The following DNTTIP1 variants were observed in gnomAD, a reference collection of about 807,000 sequenced individuals.
The protein encoded by DNTTIP1 is deoxynucleotidyltransferase terminal-interacting protein 1.
Under a neutral mutation model 52.9 loss-of-function variants are expected in DNTTIP1, and 22 were observed. The ratio of observed to expected loss-of-function variants is 0.42; its 90% CI spans 0.30 to 0.59. The LOEUF is 0.59. Among genes scored for constraint, DNTTIP1 ranks in the 20% least tolerant of loss-of-function variants. The pLI is 0.22. For missense variants in DNTTIP1, 286 were observed against 435.5 expected, an observed-to-expected ratio of 0.66 and a Z score of 3.06; for synonymous variants, 136 against 155.1, an observed-to-expected ratio of 0.88 and a Z score of 0.92.
At chr20:45,810,987 A>G in intron 12 of DNTTIP1, 47 bp downstream of exon 12, 1 of 1,613,772 alleles carries the variant, frequency 6.2e-7, no homozygotes. Flanking sequence ...CTGCCTCCAA[A>G]TAGCCCCTAG....
At chr20:45,798,119 T>C (rs1005362293) in intron 4 of DNTTIP1, among the ~76,000 whole-genome samples, 14 of 152,178 alleles carry the variant, frequency 9.2e-5, no homozygotes, top group Non-Finnish European at 1.9e-4. Flanking sequence ...TAAGAAAATG[T>C]GGCACATATA....
In DNTTIP1 at chr20:45,810,935, T is replaced by A. The variant is rs1188637647; in HGVS notation, c.846T>A (p.Asp282Glu). 3.7e-6 allele frequency: 6 copies of A among 1,614,108 alleles called. No individual in the cohort carries two copies. The highest frequency in any genetic ancestry group is 5.1e-6 in the Non-Finnish European group (6 of 1,180,040). ...TCCGGGACCTTGCGGCCAGTGATGATTACAGGTAAAACCAGTGGGTCTCCT... is the reference window on the plus strand; with the variant it reads ...TCCGGGACCTTGCGGCCAGTGATGAATACAGGTAAAACCAGTGGGTCTCCT... Reference protein sequence around the residue: ...EDIRDLAASDDYRGCLDLKLE... With the variant: ...EDIRDLAASDEYRGCLDLKLE... The change falls in exon 12 of 13, where the codon GAT becomes GAA. Residue 282 changes from aspartate to glutamate, a missense_variant. This residue lies in a region of DNTTIP1 where 78 missense variants were observed against 169.0 expected (regional missense o/e 0.46). Transcript: ENST00000372622.
chr20:45,795,143 G>A (rs1414989496), intron 3 of DNTTIP1, among the ~76,000 whole-genome samples: 3 of 152,098 alleles, frequency 2.0e-5, no homozygotes, highest in Non-Finnish European at 2.9e-5. Context: ...GCACCCCCAC[G>A]ATTATATCCG....
chr20:45,796,292 A>G (rs1981234592), intron 4 of DNTTIP1, among the ~76,000 whole-genome samples: 1 of 152,082 alleles, frequency 6.6e-6, no homozygotes. Context: ...ATGTATATCT[A>G]TGTCAATTCA....
chr20:45,801,892 A>C, intron 6 of DNTTIP1, 107 bp from the exon 7 acceptor site: 1 of 1,129,500 alleles, frequency 8.9e-7, no homozygotes, highest in South Asian at 1.2e-5. Context: ...GTCAAACATC[A>C]TTTGATCTCT....
intron 6 of DNTTIP1, 119 bp from the exon 7 acceptor site, chr20:45,801,880 C>T: frequency 9.7e-7 from 1 of 1,035,592 alleles, no homozygotes; most frequent in Middle Eastern, 2.0e-4. Flanking sequence ...CTCCCTGTCC[C>T]TGTCAAACAT....
At chr20:45,807,060 G>T (rs764655794) in intron 10 of DNTTIP1, among the ~76,000 whole-genome samples, 1 of 151,852 alleles carries the variant, frequency 6.6e-6, no homozygotes, top group Non-Finnish European at 1.5e-5. Context: ...GCTCAAGTCT[G>T]GGAATTGATC....
At position 45,798,991 on chromosome 20, in the gene DNTTIP1, G is replaced by C. The variant is rs575418906; in HGVS notation, c.373-2083G>C. 2.6e-5 allele frequency among the ~76,000 whole-genome samples: 4 copies of C among 152,354 alleles called. No homozygotes were observed. The South Asian group carries it at 8.3e-4, about 32-fold the overall frequency. ...ACAAATGTGTGCATAATTACACATT[G>C]AGACTTGATCACCCTTCACTGGAAA... On this transcript the variant is annotated intron_variant, in intron 4 of 12. Transcript: ENST00000372622.
At chr20:45,795,808 CAAAA>C (rs1162295489) in intron 4 of DNTTIP1, among the ~76,000 whole-genome samples, 1 of 151,878 alleles carries the variant, frequency 6.6e-6, no homozygotes, top group Non-Finnish European at 1.5e-5. Context: ...CAAAAACAAA[CAAAA>C]AAAGAAATGT....
chr20:45,803,004 G>A, intron 7 of DNTTIP1: 1 of 275,200 alleles, frequency 3.6e-6, no homozygotes, highest in Non-Finnish European at 7.1e-6. Flanking sequence ...TACCTTAGAT[G>A]TGTCTCCTAC....
intron 3 of DNTTIP1, among the ~76,000 whole-genome samples, 194 bp downstream of exon 3, chr20:45,794,211 C>T (rs1601024208): frequency 6.6e-6 from 1 of 152,168 alleles, no homozygotes; most frequent in Non-Finnish European, 1.5e-5. Flanking sequence ...TGCAGTGGCA[C>T]AATATCGATT....
At chr20:45,803,492 A>C (rs1981540409) in intron 8 of DNTTIP1, 114 bp downstream of exon 8, 2 of 1,135,646 alleles carry the variant, frequency 1.8e-6, no homozygotes, top group East Asian at 2.6e-5. Context: ...ACACCATTCC[A>C]GAGCCATCTG....
rs1359606355 is a variant in DNTTIP1 at position 45,805,437 on chromosome 20, A to G, written c.723+71A>G. ...ACTGGGAACTCCACTCAGCACAGAG[A>G]AGCTTAGAACAAACACTGATCTTGG... On this transcript the variant is annotated intron_variant, in intron 10 of 12. Transcript: ENST00000372622. 2.6e-6 allele frequency: 4 copies of G among 1,528,174 alleles called. No homozygotes were observed. In the African/African-American group the frequency reaches 4.2e-5, roughly 16 times the overall value. 94.7% of individuals were successfully genotyped at this position (1,528,174 alleles called of 1,614,324 possible).
chr20:45,797,998 A>T lies in DNTTIP1; in HGVS notation c.372+2555A>T, dbSNP rs1232045322. ...CATTACTGGGTATATACCCAAAGGA[A>T]TATAAATCATGCTGCTATAAAGACA... On this transcript the variant is annotated intron_variant, in intron 4 of 12. Coordinates refer to ENST00000372622, the MANE Select transcript of DNTTIP1 (RefSeq NM_052951.3). Among the ~76,000 whole-genome samples, 42 of 152,284 alleles carry T rather than the reference A, an allele frequency of 2.8e-4. No individual in the cohort carries two copies. The South Asian group carries it at 7.9e-3, about 29-fold the overall frequency.
chr20:45,805,479 T>G, intron 10 of DNTTIP1, 113 bp downstream of exon 10: 1 of 1,195,270 alleles, frequency 8.4e-7, no homozygotes, highest in Non-Finnish European at 1.2e-6. Context: ...GACATCTGGG[T>G]TCTAGTTGTG....
At chr20:45,808,241 G>A (rs572930195) in intron 10 of DNTTIP1, among the ~76,000 whole-genome samples, 5 of 152,212 alleles carry the variant, frequency 3.3e-5, no homozygotes, top group Admixed American at 3.3e-4. Flanking sequence ...AGCTATTCAA[G>A]GCTGAAGCAG....
intron 8 of DNTTIP1, 50 bp downstream of exon 8, chr20:45,803,428 A>G (rs747542881): frequency 1.2e-6 from 2 of 1,607,780 alleles, no homozygotes; most frequent in East Asian, 4.5e-5. Flanking sequence ...AGATAGTCCC[A>G]CTATCTCTAG....
chr20:45,802,085 A>C, intron 7 of DNTTIP1, 28 bp downstream of exon 7: 1 of 1,612,610 alleles, frequency 6.2e-7, no homozygotes, highest in Non-Finnish European at 8.5e-7. Flanking sequence ...GTGTGGTGAG[A>C]GCATAGGGGA....
chr20:45,795,076 G>C (rs567752318), intron 3 of DNTTIP1, among the ~76,000 whole-genome samples: 4 of 152,228 alleles, frequency 2.6e-5, no homozygotes, highest in African/African-American at 9.6e-5. Context: ...GGGATTACAG[G>C]TGTGAGCCAC....
Sources: allele counts gnomAD v4.1 joint callset (sites outside exome capture counted in the v4.1 genomes callset), GRCh38; gene constraint gnomAD v4.1.1; regional missense constraint gnomAD v4.1.1; transcripts MANE v1.5; gene names NCBI Gene and HGNC (gene_info 2026-07-23, HGNC 2026-07-21).